MYT1L: variants seen among roughly 807,000 people sequenced by gnomAD.
MYT1L encodes the protein myelin transcription factor 1 like, also known as myelin transcription factor 1-like protein.
MYT1L carries 12 observed loss-of-function variants against 126.7 expected under a neutral mutation model. The observed-to-expected ratio is 0.09, with a 90% CI of 0.06 to 0.15. The LOEUF is 0.15. Ranked by LOEUF, MYT1L falls within the 10% of genes least tolerant of loss-of-function variation. MYT1L has a pLI of 1.00. For missense variants in MYT1L, 979 were observed against 1,585.2 expected, an observed-to-expected ratio of 0.62 and a Z score of 6.49; for synonymous variants, 541 against 604.2, an observed-to-expected ratio of 0.90 and a Z score of 1.53.
Position 2,228,046 on chromosome 2 carries a change from T to C in MYT1L, c.-420-55058A>G, listed in dbSNP as rs1408484880. The stretch of plus-strand genomic sequence containing the variant: ...ACTAAATTGCCCAATGTCAAGTAGC[T>C]CATAACGGCTAGTAAATGCCTAGGG... On this transcript the variant is annotated intron_variant, in intron 2 of 24. Transcript: ENST00000647738. The surrounding 1 kb of genome is among the most constrained non-coding windows in gnomAD (Gnocchi z 5.9). 6.6e-6 allele frequency among the ~76,000 whole-genome samples: 1 copy of C among 152,192 alleles called. No homozygotes were observed. Among genetic ancestry groups the C allele is most frequent in the African/African-American group, 2.4e-5 (1 of 41,460 alleles).
At chr2:2,001,237 C>CTTTTTTTTTTTTTTTTGTTTTTTTT (rs11389323) in intron 4 of MYT1L, among the ~76,000 whole-genome samples, 8 of 103,910 alleles carry the variant, frequency 7.7e-5, no homozygotes, top group African/African-American at 1.2e-4. Context: ...TTGGTTTTAG[C>CTTTTTTTTTTTTTTTTGTTTTTTTT]TTTTTTTTTT....
At chr2:2,014,145 A>G (rs1359522159) in intron 4 of MYT1L, among the ~76,000 whole-genome samples, 1 of 151,948 alleles carries the variant, frequency 6.6e-6, no homozygotes, top group Non-Finnish European at 1.5e-5. Context: ...AGTAAAGTGC[A>G]TCTCATTATT....
chr2:2,131,294 C>T (rs1020246620), intron 3 of MYT1L, among the ~76,000 whole-genome samples: 1 of 152,206 alleles, frequency 6.6e-6, no homozygotes, highest in Non-Finnish European at 1.5e-5. Context: ...ACTTAGTGCA[C>T]AGATGCGCAT....
chr2:2,320,868 C>A (rs1222955933), intron 1 of MYT1L, among the ~76,000 whole-genome samples: 1 of 152,188 alleles, frequency 6.6e-6, no homozygotes, highest in African/African-American at 2.4e-5. Flanking sequence ...TTCTTGCCAT[C>A]CCTTATAATC....
rs138054746 is a variant in MYT1L, at chr2:2,232,543, GT to G, written c.-421+51860del. Among the ~76,000 whole-genome samples the G allele has an allele frequency of 3.3e-4, 51 of 152,324 alleles. No individual in the cohort carries two copies. In the East Asian group the frequency reaches 9.7e-3, roughly 29 times the overall value. Reference sequence around the variant, plus strand: ...CAATTACTTCTCAAGGCTTCTATGAGTTTTTGAACTATGGACAATATGTGAA... The same window carrying G: ...CAATTACTTCTCAAGGCTTCTATGAGTTTTGAACTATGGACAATATGTGAA... On this transcript the variant is annotated intron_variant, in intron 2 of 24. Transcript: ENST00000647738.
In MYT1L at chr2:1,848,638, C is replaced by T. The variant is rs62114689; in HGVS notation, c.2774+3003G>A. On this transcript the variant is annotated intron_variant, in intron 19 of 24. Transcript: ENST00000647738. This position sits in a 1 kb window ranked among gnomAD's most constrained non-coding sequence, Gnocchi z 4.8. ...AGATTAACATGAAAAGAAGTTCCTC[C>T]TACTTGCATTTCTGGCCACCAAGAG... 0.045 allele frequency among the ~76,000 whole-genome samples: 6,872 copies of T among 152,236 alleles called. 218 individuals carry two copies. The highest frequency in any genetic ancestry group is 0.098 in the South Asian group (473 of 4,824).
chr2:2,221,629 C>T (rs6548123), intron 2 of MYT1L, among the ~76,000 whole-genome samples: 116,254 of 152,122 alleles, frequency 0.76, 44,793 homozygotes, highest in East Asian at 0.98. Flanking sequence ...CAGCGGGAGA[C>T]GCCGCCCAGG....
chr2:1,795,918 CT>C (rs2033379890), intron 23 of MYT1L, among the ~76,000 whole-genome samples: 1 of 152,162 alleles, frequency 6.6e-6, no homozygotes, highest in South Asian at 2.1e-4. Flanking sequence ...CTCAGCGTTT[CT>C]TAGATTGCGC....
chr2:2,199,787 A>G (rs978634997), intron 2 of MYT1L, among the ~76,000 whole-genome samples: 2 of 152,186 alleles, frequency 1.3e-5, no homozygotes, highest in African/African-American at 4.8e-5. Flanking sequence ...GTTCAACAGC[A>G]GTGTCACCTG....
intron 14 of MYT1L, among the ~76,000 whole-genome samples, chr2:1,894,458 T>C (rs190458496): frequency 6.6e-6 from 1 of 152,318 alleles, no homozygotes; most frequent in African/African-American, 2.4e-5. Context: ...TTGTGATACT[T>C]TGGATATGAA....
intron 18 of MYT1L, among the ~76,000 whole-genome samples, chr2:1,866,556 GGA>G (rs1215538562): frequency 7.4e-6 from 1 of 134,230 alleles, no homozygotes; most frequent in Non-Finnish European, 1.6e-5. Context: ...AAGGAGAGAG[GGA>G]GAGGGAAGGG....
At chr2:1,993,948 T>C (rs1195656921) in intron 5 of MYT1L, among the ~76,000 whole-genome samples, 1 of 152,120 alleles carries the variant, frequency 6.6e-6, no homozygotes, top group Non-Finnish European at 1.5e-5. Context: ...GTTTTTCTTC[T>C]TTCTTTTCAC....
intron 2 of MYT1L, among the ~76,000 whole-genome samples, chr2:2,265,318 T>G (rs546995983): frequency 6.6e-6 from 1 of 152,266 alleles, no homozygotes; most frequent in South Asian, 2.1e-4. Flanking sequence ...CATCCTTTTT[T>G]TTTTTCCTTT....
intron 4 of MYT1L, among the ~76,000 whole-genome samples, chr2:1,998,092 G>A (rs1166726698): frequency 6.6e-6 from 1 of 152,260 alleles, no homozygotes; most frequent in South Asian, 2.1e-4. Context: ...GACCCACAAC[G>A]CTGAGACACG....
At chr2:2,054,475 A>G (rs1309729422) in intron 3 of MYT1L, among the ~76,000 whole-genome samples, 1 of 152,130 alleles carries the variant, frequency 6.6e-6, no homozygotes, top group East Asian at 1.9e-4. Flanking sequence ...CATGGGGATG[A>G]TGAGACATAT....
intron 4 of MYT1L, among the ~76,000 whole-genome samples, chr2:2,013,170 C>T (rs116599545): frequency 0.033 from 4,958 of 152,204 alleles, 134 homozygotes; most frequent in Non-Finnish European, 0.05. Context: ...TATATTCATG[C>T]GATGTCTCAA....
chr2:1,886,207 TAC>T, intron 18 of MYT1L: 1 of 221,322 alleles, frequency 4.5e-6, no homozygotes, highest in Non-Finnish European at 8.8e-6. Flanking sequence ...TTTGATTATT[TAC>T]AGTCATTTTC....
chr2:2,159,897 C>T lies in MYT1L; in HGVS notation c.-304+12975G>A, dbSNP rs187292624. Among the ~76,000 whole-genome samples, 19 of 152,228 alleles carry T rather than the reference C, an allele frequency of 1.2e-4. No homozygotes were observed. The East Asian group carries it at 3.7e-3, about 29-fold the overall frequency. The stretch of plus-strand genomic sequence containing the variant: ...CTTACCCTCATAAACACTCAGCAGG[C>T]TGTGAGTGAATTCAAAAGCCCAAAG... On this transcript the variant is annotated intron_variant, in intron 3 of 24. Transcript: ENST00000647738.
chr2:2,211,386 A>G (rs933568147), intron 2 of MYT1L, among the ~76,000 whole-genome samples: 3 of 152,186 alleles, frequency 2.0e-5, no homozygotes, highest in Non-Finnish European at 4.4e-5. Flanking sequence ...TTTTGCTTTG[A>G]AGCATGATCT....
Sources: allele counts gnomAD v4.1 joint callset (sites outside exome capture counted in the v4.1 genomes callset), GRCh38; gene constraint gnomAD v4.1.1; non-coding constraint Gnocchi (gnomAD v3.1); transcripts MANE v1.5; gene names NCBI Gene and HGNC (gene_info 2026-07-23, HGNC 2026-07-21).